RUBCN: variants seen among roughly 807,000 people sequenced by gnomAD.
The protein encoded by RUBCN is rubicon autophagy regulator, also known as run domain Beclin-1-interacting and cysteine-rich domain-containing protein.
A neutral mutation model predicts 113.2 loss-of-function variants in RUBCN; 74 were observed. That is an observed-to-expected ratio of 0.65 (90% CI 0.54 to 0.79). The LOEUF is 0.79. Ranked by LOEUF, RUBCN falls within the 30% of genes least tolerant of loss-of-function variation. The pLI, the probability that RUBCN is intolerant of heterozygous loss-of-function variation, is 0.00. For synonymous variants in RUBCN, 480 were observed against 490.0 expected (o/e 0.98, Z 0.27); for missense variants, 1,109 against 1,251.7 (o/e 0.89, Z 1.72).
chr3:197,673,732 CG>C lies in RUBCN; in HGVS notation c.*1285del. ...GGACTTCACCATCAACACACATTAACGGGGGGAGGGGGGCAGCACACTAAAA... is the reference window on the plus strand; with the variant it reads ...GGACTTCACCATCAACACACATTAACGGGGGAGGGGGGCAGCACACTAAAA... On this transcript the variant is annotated 3_prime_UTR_variant, in exon 20 of 20. Coordinates refer to ENST00000296343, the MANE Select transcript of RUBCN (RefSeq NM_014687.4). 7.2e-6 allele frequency: 1 copy of C among 138,730 alleles called. No individual in the cohort carries two copies. The highest frequency in any genetic ancestry group is 1.5e-5 in the Non-Finnish European group (1 of 65,484). The allele number at this position is 138,730 out of a possible 1,614,324, so 8.6% of individuals were successfully genotyped here.
intron 1 of RUBCN, among the ~76,000 whole-genome samples, chr3:197,722,807 A>G (rs560398238): frequency 1.3e-5 from 2 of 152,240 alleles, no homozygotes; most frequent in African/African-American, 2.4e-5. Flanking sequence ...CCATTTGCAT[A>G]GAGCATCTTT....
At position 197,674,881 on chromosome 3, in the gene RUBCN, A is replaced by G. The variant is rs1720159747; in HGVS notation, c.*137T>C. On this transcript the variant is annotated 3_prime_UTR_variant, in exon 20 of 20. Coordinates refer to ENST00000296343, the MANE Select transcript of RUBCN (RefSeq NM_014687.4). ...GCACACAGACGTCAGACAAGTCAGT[A>G]AAAAAAAAAAAAAAGATGATGATAA... 2.3e-5 allele frequency: 4 copies of G among 174,962 alleles called. No individual in the cohort carries two copies. The highest frequency in any genetic ancestry group is 1.5e-4 in the South Asian group (1 of 6,516). The allele number at this position is 174,962 out of a possible 1,614,324, so 10.8% of individuals were successfully genotyped here.
chr3:197,694,220 C>T (rs755373218), intron 10 of RUBCN, 155 bp downstream of exon 10: 6 of 787,530 alleles, frequency 7.6e-6, no homozygotes, highest in Admixed American at 1.8e-5. Flanking sequence ...ATGCAGGAAA[C>T]GGAGCGACTC....
In RUBCN at chr3:197,681,867, C is replaced by CTT. The variant is rs1721284004; in HGVS notation, c.2158_2159insAA (p.Arg720GlnfsTer77). The CTT allele has an allele frequency of 6.2e-7, 1 of 1,613,818 alleles. No homozygotes were observed. Among genetic ancestry groups the CTT allele is most frequent in the Non-Finnish European group, 8.5e-7 (1 of 1,179,972 alleles). On this transcript the variant is annotated frameshift_variant, in exon 15 of 20. Transcript: ENST00000296343. LOFTEE classifies it high-confidence loss of function. This position sits in a 1 kb window ranked among gnomAD's most constrained non-coding sequence, Gnocchi z 5.5. ...AGTCCGGATGCCACATCCTGCACAG[C>CTT]GGTAATTCTGCTTGGCCACGGCAAT...
chr3:197,734,143 G>A (rs1366426324), intron 1 of RUBCN, among the ~76,000 whole-genome samples: 3 of 151,816 alleles, frequency 2.0e-5, no homozygotes, highest in Non-Finnish European at 4.4e-5. Flanking sequence ...TGTAATCCCA[G>A]CTACTTGGGA....
Position 197,683,413 on chromosome 3 carries a change from G to C in RUBCN, c.1874C>G (p.Ser625Cys), listed in dbSNP as rs758905167. The C allele has an allele frequency of 1.9e-6, 3 of 1,614,168 alleles. No individual in the cohort carries two copies. Among genetic ancestry groups the C allele is most frequent in the Non-Finnish European group, 2.5e-6 (3 of 1,180,040 alleles). Reference sequence around the variant, plus strand: ...GAGCCCCATGGCCACCGCCTCAGCAGACGTGGAGTGCAGGAAGCAGTGGGA... The same window carrying C: ...GAGCCCCATGGCCACCGCCTCAGCACACGTGGAGTGCAGGAAGCAGTGGGA... ...SFSHCFLHST[S>C]AEAVAMGLLK... Residue 625 changes from serine to cysteine, a missense_variant, in exon 13 of 20, where the codon TCT becomes TGT. Ser to Cys is a moderately radical substitution (Grantham distance 112). Coordinates refer to ENST00000296343, the MANE Select transcript of RUBCN (RefSeq NM_014687.4). This position sits in a 1 kb window ranked among gnomAD's most constrained non-coding sequence, Gnocchi z 4.6.
In RUBCN at chr3:197,681,415, C is replaced by G; in HGVS notation, c.2192-48G>C. ...AAGCCAGATGTAACTTTCCCATCTA[C>G]AAGCTGGGAAGGCAGCTCTGCTTTT... On this transcript the variant is annotated intron_variant, in intron 15 of 19. Transcript: ENST00000296343. The surrounding 1 kb of genome is among the most constrained non-coding windows in gnomAD (Gnocchi z 5.5). The G allele has an allele frequency of 2.8e-6, 4 of 1,425,754 alleles. No homozygotes were observed. The highest frequency in any genetic ancestry group is 1.4e-5 in the African/African-American group (1 of 71,388). 88.3% of individuals were successfully genotyped at this position (1,425,754 alleles called of 1,614,324 possible).
At chr3:197,718,209 C>T (rs767588300) in intron 1 of RUBCN, 79 bp from the exon 2 acceptor site, 122 of 1,524,484 alleles carry the variant, frequency 8.0e-5, no homozygotes, top group Middle Eastern at 5.2e-4. Flanking sequence ...AAGTCTAAGC[C>T]GAGGAGCCTC....
chr3:197,683,090 C>T lies in RUBCN; in HGVS notation c.1980+217G>A, dbSNP rs866133986. 7.9e-5 allele frequency among the ~76,000 whole-genome samples: 12 copies of T among 152,358 alleles called. No individual in the cohort carries two copies. The highest frequency in any genetic ancestry group is 3.4e-3 in the Middle Eastern group (1 of 294). On this transcript the variant is annotated intron_variant, in intron 13 of 19. Transcript: ENST00000296343. This position sits in a 1 kb window ranked among gnomAD's most constrained non-coding sequence, Gnocchi z 4.6. ...CATGACTGAGTCTGGCGAGCAGTCA[C>T]GTGAATAAGGACCGCGAACGCGCCG...
chr3:197,696,384 A>C (rs1408378716), intron 8 of RUBCN, among the ~76,000 whole-genome samples: 2 of 152,002 alleles, frequency 1.3e-5, no homozygotes, highest in Non-Finnish European at 2.9e-5. Context: ...AAAAAAAAAA[A>C]ACAAAACAAA....
chr3:197,689,474 G>C (rs1297712048), intron 11 of RUBCN, among the ~76,000 whole-genome samples: 1 of 152,204 alleles, frequency 6.6e-6, no homozygotes, highest in Non-Finnish European at 1.5e-5. Context: ...GGTGAGTGCA[G>C]ATTGGACATG....
rs372553512 is a variant in RUBCN, at chr3:197,696,977, G to A, written c.1334C>T (p.Pro445Leu). 2 of 1,602,526 alleles carry A rather than the reference G, an allele frequency of 1.2e-6. No homozygotes were observed. The highest frequency in any genetic ancestry group is 4.5e-5 in the East Asian group (2 of 44,826). Residue 445 changes from proline (P) to leucine (L), a missense_variant, in exon 8 of 20, where the codon CCC becomes CTC. Around this residue, in one of 3 missense-constraint regions of RUBCN, gnomAD observed 736 missense variants for 779.6 expected, o/e 0.94. Transcript: ENST00000296343. ...ACCATATTCCATGTACAGAGAGCTG[G>A]GTGTGCTGACTTCACTGCTTTGACC... The part of the protein sequence containing the change: ...YSGQSSEVST[P>L]SSLYMEYEGG...
At position 197,695,848 on chromosome 3, in the gene RUBCN, A is replaced by C; in HGVS notation, c.1473+18T>G. ...TCTCCCAACTCATGAGCTCTTCATG[A>C]GGCCCTCGATTTCCCACCTTTTCCA... On this transcript the variant is annotated intron_variant, in intron 9 of 19. Coordinates refer to ENST00000296343, the MANE Select transcript of RUBCN (RefSeq NM_014687.4). The C allele has an allele frequency of 1.9e-6, 3 of 1,610,438 alleles. No homozygotes were observed. The South Asian group carries it at 3.3e-5, about 18-fold the overall frequency.
intron 1 of RUBCN, among the ~76,000 whole-genome samples, chr3:197,725,877 C>G (rs1726689072): frequency 2.0e-5 from 3 of 152,292 alleles, no homozygotes; most frequent in Admixed American, 1.3e-4. Flanking sequence ...TGGCCCCAAT[C>G]TAAATACCAA....
chr3:197,685,842 A>C (rs1026163493), intron 11 of RUBCN, among the ~76,000 whole-genome samples: 2 of 152,236 alleles, frequency 1.3e-5, no homozygotes, highest in Non-Finnish European at 1.5e-5. Flanking sequence ...AAAACAGTAG[A>C]GGCAACAGTA....
intron 1 of RUBCN, among the ~76,000 whole-genome samples, chr3:197,735,208 G>A (rs1313459840): frequency 6.6e-6 from 1 of 152,188 alleles, no homozygotes; most frequent in East Asian, 1.9e-4. Flanking sequence ...ACCAGCCTGG[G>A]CAATATGGTG....
intron 8 of RUBCN, 147 bp from the exon 9 acceptor site, chr3:197,696,128 C>A: frequency 1.3e-6 from 1 of 794,050 alleles, no homozygotes; most frequent in South Asian, 1.5e-5. Context: ...ATTTCTTGCA[C>A]TTTGGGAGGG....
At chr3:197,698,772 C>T (rs1219365555) in intron 7 of RUBCN, among the ~76,000 whole-genome samples, 2 of 136,278 alleles carry the variant, frequency 1.5e-5, no homozygotes, top group Non-Finnish European at 3.0e-5. Flanking sequence ...ACAGGAGGAT[C>T]ACTTGAAGCC....
chr3:197,698,829 C>CAA (rs113975138), intron 7 of RUBCN, among the ~76,000 whole-genome samples: 849 of 31,062 alleles, frequency 0.027, 24 homozygotes, highest in East Asian at 0.075. Context: ...CCTGTCTCTA[C>CAA]AAAAAAAAAA....
Sources: allele counts gnomAD v4.1 joint callset (sites outside exome capture counted in the v4.1 genomes callset), GRCh38; gene constraint gnomAD v4.1.1; regional missense constraint gnomAD v4.1.1; non-coding constraint Gnocchi (gnomAD v3.1); transcripts MANE v1.5; gene names NCBI Gene and HGNC (gene_info 2026-07-23, HGNC 2026-07-21).